YES1: variants seen among roughly 807,000 people sequenced by gnomAD.
YES1 encodes tyrosine-protein kinase Yes.
YES1 carries 39 observed loss-of-function variants against 70.4 expected under a neutral mutation model. The ratio of observed to expected loss-of-function variants is 0.55; its 90% CI spans 0.43 to 0.72. The LOEUF (loss-of-function observed/expected upper bound fraction) is 0.72. Among genes scored for constraint, YES1 ranks in the 30% least tolerant of loss-of-function variants. The pLI, the probability that YES1 is intolerant of heterozygous loss-of-function variation, is 0.00. For synonymous variants in YES1, 198 were observed against 218.6 expected, an observed-to-expected ratio of 0.91 and a Z score of 0.83; for missense variants, 495 against 644.8, an observed-to-expected ratio of 0.77 and a Z score of 2.52.
intron 1 of YES1, among the ~76,000 whole-genome samples, chr18:764,313 C>T (rs1264375063): frequency 2.0e-5 from 3 of 152,142 alleles, no homozygotes; most frequent in African/African-American, 7.2e-5. Flanking sequence ...ACCTCTGCCT[C>T]CTGGATTCAA....
intron 11 of YES1, among the ~76,000 whole-genome samples, chr18:731,792 C>A (rs1051067229): frequency 1.3e-5 from 2 of 151,362 alleles, no homozygotes. Context: ...ACGGTGAAAC[C>A]CCGTCTCTAC....
chr18:748,106 C>G, intron 3 of YES1, 88 bp from the exon 4 acceptor site: 1 of 1,024,198 alleles, frequency 9.8e-7, no homozygotes, highest in African/African-American at 1.6e-5. Flanking sequence ...CTGAAGTAAA[C>G]AAAGGGTATT....
chr18:726,075 C>T (rs1245387994), intron 11 of YES1, among the ~76,000 whole-genome samples: 1 of 152,038 alleles, frequency 6.6e-6, no homozygotes, highest in Non-Finnish European at 1.5e-5. Context: ...TTAAGCAATC[C>T]AAATAAGCCG....
intron 6 of YES1, 68 bp from the exon 7 acceptor site, chr18:743,483 G>A (rs1453446134): frequency 1.3e-5 from 17 of 1,308,046 alleles, no homozygotes; most frequent in Admixed American, 7.3e-5. Context: ...GTGTATCAAT[G>A]TTTTAAGTTT....
At chr18:759,035 A>C (rs1904437967) in intron 1 of YES1, among the ~76,000 whole-genome samples, 1 of 152,230 alleles carries the variant, frequency 6.6e-6, no homozygotes, top group Non-Finnish European at 1.5e-5. Context: ...AAACATTTAC[A>C]ACCTCAGCTG....
intron 2 of YES1, among the ~76,000 whole-genome samples, chr18:752,154 C>A (rs1052584660): frequency 1.3e-5 from 2 of 152,204 alleles, no homozygotes; most frequent in African/African-American, 2.4e-5. Flanking sequence ...GTCACCCAGG[C>A]TGGAGTGCAG....
intron 1 of YES1, among the ~76,000 whole-genome samples, chr18:768,708 T>G (rs1905019927): frequency 6.6e-6 from 1 of 152,114 alleles, no homozygotes; most frequent in Non-Finnish European, 1.5e-5. Context: ...TATTTATTTA[T>G]TTATTTATTT....
chr18:729,223 C>T (rs551387184), intron 11 of YES1, among the ~76,000 whole-genome samples: 4 of 152,136 alleles, frequency 2.6e-5, no homozygotes, highest in African/African-American at 4.8e-5. Flanking sequence ...CTAGTGAGTA[C>T]TTAATTTGAT....
At chr18:759,265 G>C (rs1904449456) in intron 1 of YES1, among the ~76,000 whole-genome samples, 1 of 152,190 alleles carries the variant, frequency 6.6e-6, no homozygotes. Flanking sequence ...TCAGAAGTTT[G>C]AGACCAGCCT....
chr18:744,825 G>A (rs182041902), intron 6 of YES1, among the ~76,000 whole-genome samples: 23 of 150,582 alleles, frequency 1.5e-4, no homozygotes, highest in Non-Finnish European at 3.2e-4. Flanking sequence ...TGCCTAACAG[G>A]AGACTGATTT....
chr18:729,496 C>A (rs1162474768), intron 11 of YES1, among the ~76,000 whole-genome samples: 1 of 151,774 alleles, frequency 6.6e-6, no homozygotes, highest in African/African-American at 2.4e-5. Context: ...CTCAAATTCT[C>A]CAGTTTTTCA....
intron 1 of YES1, among the ~76,000 whole-genome samples, chr18:791,312 C>T (rs1404370641): frequency 6.7e-6 from 1 of 150,252 alleles, no homozygotes; most frequent in African/African-American, 2.4e-5. Flanking sequence ...GTGAACAAAA[C>T]GTCCCAGGCA....
rs371615786 is a variant in YES1, at chr18:786,941, T to C, written c.-9+25173A>G. Among the ~76,000 whole-genome samples, 5 of 152,274 alleles carry C rather than the reference T, an allele frequency of 3.3e-5. No individual in the cohort carries two copies. The South Asian group carries it at 1.0e-3, about 32-fold the overall frequency. On this transcript the variant is annotated intron_variant, in intron 1 of 11. Transcript: ENST00000314574. ...AAGCCTGTATTCCCTCTAGGAGGAA[T>C]GGTTCAGTCTTTGATTAGGTAGTTA...
chr18:775,500 C>T (rs9948030), intron 1 of YES1, among the ~76,000 whole-genome samples: 55,636 of 151,972 alleles, frequency 0.37, 11,205 homozygotes, highest in African/African-American at 0.53. Context: ...TAAGGCTTCT[C>T]ATAAATGGAA....
chr18:754,392 T>C (rs138526506), intron 2 of YES1, among the ~76,000 whole-genome samples: 1 of 152,218 alleles, frequency 6.6e-6, no homozygotes, highest in Non-Finnish European at 1.5e-5. Context: ...TGCACATAGG[T>C]GGGTCATTCT....
At chr18:804,087 C>T (rs1174992234) in intron 1 of YES1, among the ~76,000 whole-genome samples, 2 of 152,172 alleles carry the variant, frequency 1.3e-5, no homozygotes, top group African/African-American at 4.8e-5. Context: ...CAATGCCATG[C>T]TTGTCTTGTT....
Position 760,904 on chromosome 18 carries a change from C to T in YES1, c.-8-4069G>A, listed in dbSNP as rs1472396617. Among the ~76,000 whole-genome samples the T allele has an allele frequency of 3.3e-5, 5 of 152,146 alleles. No individual in the cohort carries two copies. The East Asian group carries it at 9.6e-4, about 29-fold the overall frequency. On this transcript the variant is annotated intron_variant, in intron 1 of 11. Coordinates refer to ENST00000314574, the MANE Select transcript of YES1 (RefSeq NM_005433.4). ...TATAATAAATGTACACATGTGGAAT[C>T]TGGTTGACACTCTTAATACAGACAA...
chr18:793,922 C>A (rs1408394289), intron 1 of YES1, among the ~76,000 whole-genome samples: 2 of 152,078 alleles, frequency 1.3e-5, no homozygotes, highest in African/African-American at 2.4e-5. Context: ...ATAAGTCACT[C>A]TGATAAATAA....
chr18:812,406 A>T (rs1391011711), upstream of YES1: 8 of 147,056 alleles, frequency 5.4e-5, no homozygotes, highest in Non-Finnish European at 1.2e-4. Flanking sequence ...CCGTCCGCTC[A>T]CCGGAACTCG....
Sources: gnomAD v4.1 joint callset for allele counts (sites outside exome capture counted in the v4.1 genomes callset) on GRCh38, gnomAD v4.1.1 for gene constraint, MANE v1.5 for transcripts, NCBI Gene and HGNC (gene_info 2026-07-23, HGNC 2026-07-21) for gene names.